Variants in CHRM5 observed in about 807,000 individuals in gnomAD.
CHRM5 encodes muscarinic acetylcholine receptor M5.
In CHRM5, 18 loss-of-function variants were observed where a neutral mutation model predicts 39.0. That is an observed-to-expected ratio of 0.46 (90% CI 0.32 to 0.68). The LOEUF (loss-of-function observed/expected upper bound fraction) is 0.68, where lower values mean the gene tolerates loss of function less well. Among genes scored for constraint, CHRM5 ranks in the 30% least tolerant of loss-of-function variants. The probability of loss-of-function intolerance (pLI) is 0.04; values close to 1 mark genes in which losing one functional copy is unlikely to be tolerated. For synonymous variants in CHRM5, 241 were observed against 246.3 expected (o/e 0.98, Z 0.20); for missense variants, 515 against 651.1 (o/e 0.79, Z 2.28).
At chr15:34,015,156 G>A (rs1399491702) in intron 1 of CHRM5, among the ~76,000 whole-genome samples, 1 of 152,128 alleles carries the variant, frequency 6.6e-6, no homozygotes, top group Non-Finnish European at 1.5e-5. Flanking sequence ...GTTATCATAA[G>A]GAAAAAGATA....
intron 2 of CHRM5, among the ~76,000 whole-genome samples, chr15:34,059,446 C>G (rs1194063693): frequency 6.6e-6 from 1 of 152,228 alleles, no homozygotes; most frequent in Non-Finnish European, 1.5e-5. Flanking sequence ...TGCTCCCCAA[C>G]ACCTGGATGT....
chr15:34,043,065 GTGAAACCCCGTCTCTAC>G (rs1414970977), intron 1 of CHRM5, among the ~76,000 whole-genome samples: 6 of 151,980 alleles, frequency 3.9e-5, no homozygotes, highest in Non-Finnish European at 7.4e-5. Context: ...GGCTAACACA[GTGAAACCCCGTCTCTAC>G]TGAAAATACA....
intron 1 of CHRM5, among the ~76,000 whole-genome samples, chr15:33,985,698 C>G (rs1896410232): frequency 1.3e-5 from 2 of 152,006 alleles, no homozygotes; most frequent in Non-Finnish European, 2.9e-5. Flanking sequence ...ACACCTGATT[C>G]CTTAGTGTTT....
intron 1 of CHRM5, among the ~76,000 whole-genome samples, chr15:33,986,936 C>T (rs1023475914): frequency 5.9e-5 from 9 of 152,182 alleles, no homozygotes; most frequent in South Asian, 2.1e-4. Flanking sequence ...GGATTACAGG[C>T]ATGAGCCACC....
chr15:34,021,520 G>A lies in CHRM5; in HGVS notation c.-407-25020G>A, dbSNP rs150551754. The stretch of plus-strand genomic sequence containing the variant: ...GGCTGGTCTGGAACTCCTGACCTCA[G>A]GTGAGCCACCGCGCCTGGCTTATTT... On this transcript the variant is annotated intron_variant, in intron 1 of 2. Coordinates refer to ENST00000383263, the MANE Select transcript of CHRM5 (RefSeq NM_012125.4). 6.1e-3 allele frequency among the ~76,000 whole-genome samples: 922 copies of A among 152,178 alleles called. 21 individuals carry two copies. The highest frequency in any genetic ancestry group is 0.044 in the Admixed American group (670 of 15,282).
intron 2 of CHRM5, among the ~76,000 whole-genome samples, chr15:34,060,353 G>A (rs1001381694): frequency 6.6e-5 from 10 of 152,122 alleles, no homozygotes; most frequent in Non-Finnish European, 1.0e-4. Context: ...TCTGGTTTCC[G>A]GTGCAAGACA....
intron 1 of CHRM5, among the ~76,000 whole-genome samples, chr15:33,987,594 T>C (rs1382568633): frequency 2.6e-5 from 4 of 152,184 alleles, no homozygotes; most frequent in Admixed American, 6.5e-5. Flanking sequence ...TCTCCAACCA[T>C]GAGCTCCCAA....
intron 1 of CHRM5, among the ~76,000 whole-genome samples, chr15:34,027,000 A>C (rs1898506667): frequency 7.4e-6 from 1 of 135,408 alleles, no homozygotes; most frequent in South Asian, 2.4e-4. Flanking sequence ...CTGCTTCAAA[A>C]AATAGAATAG....
At chr15:34,031,026 A>T (rs973102340) in intron 1 of CHRM5, among the ~76,000 whole-genome samples, 1 of 152,244 alleles carries the variant, frequency 6.6e-6, no homozygotes, top group Non-Finnish European at 1.5e-5. Flanking sequence ...ATATACATCT[A>T]TTAACAAACT....
rs941411877 is a variant in CHRM5, at chr15:34,002,611, C to T, written c.-408+33461C>T. On this transcript the variant is annotated intron_variant, in intron 1 of 2. Coordinates refer to ENST00000383263, the MANE Select transcript of CHRM5 (RefSeq NM_012125.4). ...CATATAGCTCCAATATGTGCATATCCACTACTATGTATATACCTGGCTACT... is the reference window on the plus strand; with the variant it reads ...CATATAGCTCCAATATGTGCATATCTACTACTATGTATATACCTGGCTACT... 2.0e-5 allele frequency among the ~76,000 whole-genome samples: 3 copies of T among 152,020 alleles called. No homozygotes were observed. In the South Asian group the frequency reaches 6.2e-4, roughly 32 times the overall value.
chr15:34,017,286 A>T (rs1169991026), intron 1 of CHRM5, among the ~76,000 whole-genome samples: 1 of 152,034 alleles, frequency 6.6e-6, no homozygotes, highest in African/African-American at 2.4e-5. Flanking sequence ...AGCAAACACC[A>T]CCACCCCATT....
intron 1 of CHRM5, among the ~76,000 whole-genome samples, chr15:34,027,706 T>C (rs1898553610): frequency 6.6e-6 from 1 of 151,972 alleles, no homozygotes. Context: ...GGCCTTGACG[T>C]TATCCACCAG....
chr15:33,980,103 T>C (rs533352109), intron 1 of CHRM5, among the ~76,000 whole-genome samples: 3 of 152,362 alleles, frequency 2.0e-5, no homozygotes, highest in South Asian at 2.1e-4. Context: ...CATTATCTCA[T>C]AGTAAACTAG....
At chr15:34,050,381 C>T (rs1433480311) in intron 2 of CHRM5, among the ~76,000 whole-genome samples, 3 of 152,156 alleles carry the variant, frequency 2.0e-5, no homozygotes, top group South Asian at 2.1e-4. Context: ...AACCCGTTAC[C>T]GGACACTACA....
At chr15:34,032,869 CA>C (rs914357057) in intron 1 of CHRM5, among the ~76,000 whole-genome samples, 3 of 152,158 alleles carry the variant, frequency 2.0e-5, no homozygotes, top group African/African-American at 4.8e-5. Context: ...TGTCCTTTTG[CA>C]AATCAGGTAG....
At chr15:33,983,208 A>ATATATG (rs1896258696) in intron 1 of CHRM5, among the ~76,000 whole-genome samples, 2 of 16,386 alleles carry the variant, frequency 1.2e-4, no homozygotes, top group African/African-American at 4.9e-4. Flanking sequence ...GTGTATATAT[A>ATATATG]TATATACATA....
Position 34,065,731 on chromosome 15 carries a change from C to T in CHRM5, c.*1415C>T, listed in dbSNP as rs945212206. ...AAATCTCTAAGTGCGTATAAACAAA[C>T]GGAATCAAAGGACCTTTGTGGACAA... On this transcript the variant is annotated 3_prime_UTR_variant, in exon 3 of 3. Transcript: ENST00000383263. 3 of 152,058 alleles carry T rather than the reference C, an allele frequency of 2.0e-5. No individual in the cohort carries two copies. Among genetic ancestry groups the T allele is most frequent in the Non-Finnish European group, 4.4e-5 (3 of 68,026 alleles). 9.4% of individuals were successfully genotyped at this position (152,058 alleles called of 1,614,324 possible). A position where few individuals can be genotyped will look rare whatever the true frequency, so the allele number is the denominator to read the frequency against.
At chr15:33,986,621 A>G (rs1896481864) in intron 1 of CHRM5, among the ~76,000 whole-genome samples, 1 of 152,162 alleles carries the variant, frequency 6.6e-6, no homozygotes, top group Non-Finnish European at 1.5e-5. Flanking sequence ...TACACAGGAT[A>G]TAATAGATCA....
intron 1 of CHRM5, among the ~76,000 whole-genome samples, chr15:33,998,275 C>T (rs1897014238): frequency 6.6e-6 from 1 of 152,034 alleles, no homozygotes; most frequent in African/African-American, 2.4e-5. Flanking sequence ...GATTTTTGTC[C>T]CCTTTTCTGG....
Sources: gnomAD v4.1 joint callset for allele counts (sites outside exome capture counted in the v4.1 genomes callset) on GRCh38, gnomAD v4.1.1 for gene constraint, MANE v1.5 for transcripts, NCBI Gene and HGNC (gene_info 2026-07-23, HGNC 2026-07-21) for gene names.